The following DAB1 variants were observed in gnomAD, a reference collection of about 807,000 sequenced individuals.
DAB1 encodes the protein disabled homolog 1.
DAB1 carries 15 observed loss-of-function variants against 64.6 expected under a neutral mutation model. The ratio of observed to expected loss-of-function variants is 0.23; its 90% confidence interval spans 0.16 to 0.36. DAB1 has a LOEUF of 0.36. Among genes scored for constraint, DAB1 ranks in the 10% least tolerant of loss-of-function variants. The pLI is 1.00. For missense variants in DAB1, 596 were observed against 706.7 expected, an observed-to-expected ratio of 0.84 and a Z score of 1.78; for synonymous variants, 235 against 251.9, an observed-to-expected ratio of 0.93 and a Z score of 0.64.
At position 57,213,233 on chromosome 1, in the gene DAB1, A is replaced by G. The variant is rs570849956; in HGVS notation, c.68-67804T>C. ...TCTATTAATGTATTTTCTTTAACCT[A>G]TCTTAACTATTATCATTTCAACATA... On this transcript the variant is annotated intron_variant, in intron 2 of 14. Transcript: ENST00000371236. Among the ~76,000 whole-genome samples the G allele has an allele frequency of 1.2e-4, 19 of 152,334 alleles. 1 individual carries two copies. The South Asian group carries it at 3.9e-3, about 32-fold the overall frequency.
intron 5 of DAB1, among the ~76,000 whole-genome samples, chr1:58,055,142 G>T (rs1289473120): frequency 6.6e-6 from 1 of 152,216 alleles, no homozygotes; most frequent in Non-Finnish European, 1.5e-5. Context: ...ATGTGGGACA[G>T]CCAGGATTTC....
At chr1:57,728,043 G>A (rs1647257224) in intron 6 of DAB1, among the ~76,000 whole-genome samples, 1 of 152,108 alleles carries the variant, frequency 6.6e-6, no homozygotes, top group Admixed American at 6.5e-5. Context: ...TCTAAAAACT[G>A]TTTGTCCAGG....
At chr1:58,306,034 A>G (rs955539794) in intron 4 of DAB1, among the ~76,000 whole-genome samples, 2 of 151,624 alleles carry the variant, frequency 1.3e-5, no homozygotes, top group Non-Finnish European at 2.9e-5. Context: ...GGGAAGAATC[A>G]GCCCTTCCAG....
Position 58,234,526 on chromosome 1 carries a change from G to A in DAB1, n.310-83938C>T, listed in dbSNP as rs138690299. Among the ~76,000 whole-genome samples, 46 of 152,334 alleles carry A rather than the reference G, an allele frequency of 3.0e-4. 1 individual carries two copies. The East Asian group carries it at 8.7e-3, about 29-fold the overall frequency. ...GAGAAGGACAAGGGTGGACAAGGCAGGGGGCTGGCAGCGTGGAAGGAGTGG... is the reference window on the plus strand; with the variant it reads ...GAGAAGGACAAGGGTGGACAAGGCAAGGGGCTGGCAGCGTGGAAGGAGTGG... On this transcript the variant is annotated intron_variant and non_coding_transcript_variant, in intron 4 of 20. Coordinates refer to the DAB1 transcript ENST00000485760.
chr1:57,402,904 A>C (rs576251649), intron 1 of DAB1, among the ~76,000 whole-genome samples: 2 of 152,178 alleles, frequency 1.3e-5, no homozygotes, highest in Admixed American at 6.5e-5. Context: ...GATTGAATTC[A>C]CAGGACAGAA....
At chr1:57,812,510 T>C (rs1185749301) in intron 6 of DAB1, among the ~76,000 whole-genome samples, 1 of 152,056 alleles carries the variant, frequency 6.6e-6, no homozygotes, top group East Asian at 1.9e-4. Flanking sequence ...AGGCCGCAGA[T>C]AGAGGTCAAT....
chr1:57,724,175 T>C (rs1647180940), intron 6 of DAB1, among the ~76,000 whole-genome samples: 2 of 152,028 alleles, frequency 1.3e-5, no homozygotes, highest in Admixed American at 1.3e-4. Context: ...GCATTCTGTT[T>C]TCACTTACAC....
intron 5 of DAB1, among the ~76,000 whole-genome samples, chr1:57,921,604 T>C (rs151018382): frequency 2.0e-5 from 3 of 152,200 alleles, no homozygotes; most frequent in East Asian, 3.9e-4. Flanking sequence ...ACTTTTGACA[T>C]AGATCCAGAA....
At chr1:58,258,010 AC>A in intron 4 of DAB1, among the ~76,000 whole-genome samples, 1 of 152,132 alleles carries the variant, frequency 6.6e-6, no homozygotes. Context: ...TTAAATTTGT[AC>A]TGTTACCGTG....
intron 4 of DAB1, among the ~76,000 whole-genome samples, chr1:58,168,159 C>A (rs1655965532): frequency 6.6e-6 from 1 of 152,206 alleles, no homozygotes; most frequent in Non-Finnish European, 1.5e-5. Context: ...AGATTAAAGA[C>A]ATGGGTAACA....
At chr1:58,514,680 G>C (rs938862460) in intron 2 of DAB1, among the ~76,000 whole-genome samples, 1 of 152,134 alleles carries the variant, frequency 6.6e-6, no homozygotes, top group Non-Finnish European at 1.5e-5. Context: ...TTGTGGCAGG[G>C]GGAGCTGGGC....
chr1:58,530,783 G>A (rs1019702811), intron 1 of DAB1: 1 of 828,280 alleles, frequency 1.2e-6, no homozygotes, highest in African/African-American at 1.7e-5. Context: ...GACAGTATAT[G>A]CTTACATTTT....
intron 1 of DAB1, among the ~76,000 whole-genome samples, chr1:57,342,662 T>C (rs1226080302): frequency 2.6e-5 from 4 of 152,090 alleles, no homozygotes; most frequent in Non-Finnish European, 5.9e-5. Flanking sequence ...AGTGTTACAG[T>C]TCTTAAAGGT....
At chr1:57,288,523 G>A (rs78435161) in intron 2 of DAB1, among the ~76,000 whole-genome samples, 9 of 152,124 alleles carry the variant, frequency 5.9e-5, no homozygotes, top group South Asian at 2.1e-4. Context: ...CCTCTACCAC[G>A]TGAGGACATG....
At chr1:57,663,625 T>A (rs1646412892) in intron 6 of DAB1, among the ~76,000 whole-genome samples, 2 of 152,130 alleles carry the variant, frequency 1.3e-5, no homozygotes, top group Non-Finnish European at 2.9e-5. Context: ...CCTCCCAATA[T>A]TTTCTTATTT....
rs184666542 is a variant in DAB1 at position 58,127,086 on chromosome 1, G to A, written n.387+23425C>T. Among the ~76,000 whole-genome samples the A allele has an allele frequency of 1.3e-3, 196 of 150,762 alleles. 2 individuals carry two copies. Among genetic ancestry groups the A allele is most frequent in the African/African-American group, 4.6e-3 (189 of 40,842 alleles). On this transcript the variant is annotated intron_variant and non_coding_transcript_variant, in intron 5 of 20. Transcript: ENST00000485760. Reference sequence around the variant, plus strand: ...TTACAGTCCCACCAACAGTGTAAACGTGTTCCTATTTTTCCACATCCTCTC... The same window carrying A: ...TTACAGTCCCACCAACAGTGTAAACATGTTCCTATTTTTCCACATCCTCTC...
chr1:57,140,013 G>T (rs180838863), intron 3 of DAB1, among the ~76,000 whole-genome samples: 50 of 152,218 alleles, frequency 3.3e-4, no homozygotes, highest in Middle Eastern at 3.4e-3. Context: ...CTGAAAAACT[G>T]CACTCAGTCT....
chr1:58,071,931 C>A (rs527613374), intron 5 of DAB1, among the ~76,000 whole-genome samples: 1 of 152,158 alleles, frequency 6.6e-6, no homozygotes, highest in Admixed American at 6.5e-5. Flanking sequence ...AAGAACAAAA[C>A]CAACTATAAT....
At chr1:57,963,404 C>T (rs543853215) in intron 5 of DAB1, among the ~76,000 whole-genome samples, 14 of 152,266 alleles carry the variant, frequency 9.2e-5, no homozygotes, top group Admixed American at 4.6e-4. Context: ...TCACATGAAC[C>T]TCTGCTTCTA....
Sources: gnomAD v4.1 joint callset for allele counts (sites outside exome capture counted in the v4.1 genomes callset) on GRCh38, gnomAD v4.1.1 for gene constraint, MANE v1.5 for transcripts, NCBI Gene and HGNC (gene_info 2026-07-23, HGNC 2026-07-21) for gene names.